The following SLC8A1 variants were observed in gnomAD, a reference collection of about 807,000 sequenced individuals.
SLC8A1 encodes the protein sodium/calcium exchanger 1.
SLC8A1 carries 18 observed loss-of-function variants against 68.3 expected under a neutral mutation model. That is an observed-to-expected ratio of 0.26 (90% CI 0.18 to 0.39). The LOEUF (loss-of-function observed/expected upper bound fraction) is 0.39, where lower values mean the gene tolerates loss of function less well. Ranked by LOEUF, SLC8A1 falls within the 10% of genes least tolerant of loss-of-function variation. SLC8A1 has a pLI of 1.00. For missense variants in SLC8A1, 985 were observed against 1,156.7 expected (o/e 0.85, Z 2.15); for synonymous variants, 475 against 415.5 (o/e 1.14, Z -1.74).
At chr2:40,153,692 G>A (rs1313138570) in intron 6 of SLC8A1, among the ~76,000 whole-genome samples, 1 of 152,116 alleles carries the variant, frequency 6.6e-6, no homozygotes, top group Admixed American at 6.6e-5. Context: ...AAAAGGCTGG[G>A]CATTGATTCC....
intron 6 of SLC8A1, among the ~76,000 whole-genome samples, chr2:40,145,204 C>T (rs1050887379): frequency 3.9e-5 from 6 of 152,090 alleles, no homozygotes; most frequent in African/African-American, 1.4e-4. Flanking sequence ...CTCTGTCTGG[C>T]TTCTTTCACT....
chr2:40,357,367 G>A (rs1673002907), intron 2 of SLC8A1, among the ~76,000 whole-genome samples: 3 of 151,010 alleles, frequency 2.0e-5, no homozygotes, highest in Admixed American at 2.0e-4. Context: ...TGTGGTGGTG[G>A]GTGCCTGCAG....
intron 2 of SLC8A1, among the ~76,000 whole-genome samples, chr2:40,185,603 C>T (rs911170379): frequency 1.3e-5 from 2 of 151,832 alleles, no homozygotes; most frequent in African/African-American, 4.8e-5. Flanking sequence ...AGATAAAAGG[C>T]CGGGTGGGGT....
intron 7 of SLC8A1, among the ~76,000 whole-genome samples, chr2:40,124,865 T>G (rs2037726965): frequency 6.6e-6 from 1 of 152,270 alleles, no homozygotes; most frequent in Non-Finnish European, 1.5e-5. Flanking sequence ...AAGCAGGTTA[T>G]GTAACTATGC....
chr2:40,329,826 G>A (rs749560014), intron 2 of SLC8A1, among the ~76,000 whole-genome samples: 1 of 152,128 alleles, frequency 6.6e-6, no homozygotes, highest in Non-Finnish European at 1.5e-5. Context: ...TGGAGTCCTG[G>A]CACGCTGTCA....
intron 4 of SLC8A1, 40 bp from the exon 6 acceptor site, chr2:40,174,760 T>A: frequency 6.3e-7 from 1 of 1,577,606 alleles, no homozygotes; most frequent in South Asian, 1.1e-5. Context: ...TTTTTTTTAA[T>A]GTAATAACAT....
intron 2 of SLC8A1, among the ~76,000 whole-genome samples, chr2:40,412,732 G>C (rs1202995975): frequency 6.6e-6 from 1 of 152,154 alleles, no homozygotes; most frequent in Non-Finnish European, 1.5e-5. Flanking sequence ...GCATGAGTCA[G>C]TCATGACAAT....
chr2:40,273,252 C>A (rs527557182), intron 2 of SLC8A1, among the ~76,000 whole-genome samples: 1 of 144,474 alleles, frequency 6.9e-6, no homozygotes, highest in Admixed American at 7.0e-5. Flanking sequence ...TCCAAATACT[C>A]TTTTTTTTTT....
chr2:40,472,527 G>T (rs572502312), intron 1 of SLC8A1, among the ~76,000 whole-genome samples: 1 of 152,068 alleles, frequency 6.6e-6, no homozygotes, highest in Non-Finnish European at 1.5e-5. Context: ...TAAGATCTTT[G>T]GTTAAAAAAT....
At chr2:40,318,124 A>T (rs746514092) in intron 2 of SLC8A1, among the ~76,000 whole-genome samples, 1 of 152,128 alleles carries the variant, frequency 6.6e-6, no homozygotes, top group Non-Finnish European at 1.5e-5. Flanking sequence ...TTACATCTTA[A>T]GCAGGCAAAG....
intron 2 of SLC8A1, among the ~76,000 whole-genome samples, chr2:40,263,512 C>A (rs1467797140): frequency 1.3e-5 from 2 of 152,084 alleles, no homozygotes; most frequent in African/African-American, 4.8e-5. Flanking sequence ...GAGATATAGA[C>A]CAATGGAACA....
chr2:40,168,790 G>C (rs1264390316), intron 4 of SLC8A1, among the ~76,000 whole-genome samples: 1 of 152,100 alleles, frequency 6.6e-6, no homozygotes, highest in African/African-American at 2.4e-5. Flanking sequence ...TTCTCAGATG[G>C]AAAATATACT....
chr2:40,458,317 G>C (rs899144092), intron 1 of SLC8A1, among the ~76,000 whole-genome samples: 2 of 152,168 alleles, frequency 1.3e-5, no homozygotes, highest in African/African-American at 4.8e-5. Context: ...GACATAAGCA[G>C]ATTGGAGGAT....
At chr2:40,441,521 C>T (rs1291222834) in intron 1 of SLC8A1, among the ~76,000 whole-genome samples, 1 of 152,058 alleles carries the variant, frequency 6.6e-6, no homozygotes, top group Admixed American at 6.6e-5. Context: ...TATACTACTA[C>T]AAGACTACAG....
Position 40,212,281 on chromosome 2 carries a change from A to ATGTTTT in SLC8A1, c.1809-34427_1809-34426insAAAACA, listed in dbSNP as rs371395367. Among the ~76,000 whole-genome samples the ATGTTTT allele has an allele frequency of 8.8e-3, 1,043 of 118,130 alleles. 172 individuals carry two copies. Among genetic ancestry groups the ATGTTTT allele is most frequent in the Middle Eastern group, 0.012 (2 of 170 alleles). 77.5% of individuals were successfully genotyped at this position (118,130 alleles called of 152,430 possible). ...AGGTGCTAAACAGAAGAGATGCAAT[A>ATGTTTT]TCTTTTTTTTTTTTTTTTTTCCTGA... On this transcript the variant is annotated intron_variant, in intron 2 of 7. Transcript: ENST00000406785.
intron 2 of SLC8A1, among the ~76,000 whole-genome samples, chr2:40,295,706 C>T (rs1294586547): frequency 6.6e-6 from 1 of 152,096 alleles, no homozygotes; most frequent in East Asian, 1.9e-4. Context: ...TTTATTAACT[C>T]CTATATAGTG....
At chr2:40,463,119 G>C (rs1161491579) in intron 1 of SLC8A1, among the ~76,000 whole-genome samples, 1 of 152,148 alleles carries the variant, frequency 6.6e-6, no homozygotes, top group African/African-American at 2.4e-5. Flanking sequence ...ACAGAGAGTG[G>C]GCTTAGACGT....
intron 2 of SLC8A1, among the ~76,000 whole-genome samples, chr2:40,386,599 T>C (rs968868642): frequency 2.5e-5 from 3 of 118,130 alleles, no homozygotes; most frequent in Non-Finnish European, 3.8e-5. Context: ...TTGGGTCTAA[T>C]TACTTGATGA....
At chr2:40,216,134 T>A (rs1047253157) in intron 2 of SLC8A1, among the ~76,000 whole-genome samples, 1 of 151,788 alleles carries the variant, frequency 6.6e-6, no homozygotes, top group Non-Finnish European at 1.5e-5. Context: ...TGTTGACCCA[T>A]CCTCTAAGTT....
Sources: allele counts gnomAD v4.1 joint callset (sites outside exome capture counted in the v4.1 genomes callset), GRCh38; gene constraint gnomAD v4.1.1; transcripts MANE v1.5; gene names NCBI Gene and HGNC (gene_info 2026-07-23, HGNC 2026-07-21).